LHFPL2: variants seen among roughly 807,000 people sequenced by gnomAD.
LHFPL2 encodes the protein LHFPL tetraspan subfamily member 2, also known as LHFPL tetraspan subfamily member 2 protein.
Under a neutral mutation model 17.5 loss-of-function variants are expected in LHFPL2, and 7 were observed. The ratio of observed to expected loss-of-function variants is 0.40; its 90% confidence interval spans 0.23 to 0.75. The LOEUF (loss-of-function observed/expected upper bound fraction) is 0.75, where lower values mean the gene tolerates loss of function less well. LHFPL2 is among the 30% of genes least tolerant of loss of function. The pLI, the probability that LHFPL2 is intolerant of heterozygous loss-of-function variation, is 0.37. For missense variants in LHFPL2, 241 were observed against 294.8 expected (o/e 0.82, Z 1.34); for synonymous variants, 134 against 116.2 (o/e 1.15, Z -0.99).
chr5:78,543,877 G>A (rs1405124216), intron 3 of LHFPL2, among the ~76,000 whole-genome samples: 2 of 152,248 alleles, frequency 1.3e-5, no homozygotes, highest in Admixed American at 6.5e-5. Context: ...GACTTGGGAC[G>A]GGAGGTGGAG....
intron 4 of LHFPL2, among the ~76,000 whole-genome samples, chr5:78,493,564 G>A (rs1445529777): frequency 6.6e-6 from 1 of 152,180 alleles, no homozygotes; most frequent in Admixed American, 6.5e-5. Context: ...CACACAGCAG[G>A]ACCTTAATAA....
At chr5:78,574,100 G>A (rs1041746538) in intron 2 of LHFPL2, among the ~76,000 whole-genome samples, 6 of 152,184 alleles carry the variant, frequency 3.9e-5, no homozygotes, top group Admixed American at 1.3e-4. Context: ...AGGAGAGTAC[G>A]CTCACGATGA....
chr5:78,616,196 C>A (rs1311522710), intron 2 of LHFPL2, among the ~76,000 whole-genome samples: 1 of 152,188 alleles, frequency 6.6e-6, no homozygotes, highest in African/African-American at 2.4e-5. Flanking sequence ...GGCGCAATCT[C>A]GGCTCACTGC....
intron 2 of LHFPL2, among the ~76,000 whole-genome samples, chr5:78,611,512 T>C (rs985732996): frequency 4.6e-5 from 7 of 152,128 alleles, no homozygotes; most frequent in African/African-American, 1.7e-4. Flanking sequence ...GCCAGAATCC[T>C]GGGGAAAAAG....
At chr5:78,625,256 C>G (rs899721644) in intron 2 of LHFPL2, 6 of 152,148 alleles carry the variant, frequency 3.9e-5, no homozygotes, top group African/African-American at 1.5e-4. Context: ...GAGGGTAAGT[C>G]TGATGAGCTC....
intron 3 of LHFPL2, among the ~76,000 whole-genome samples, chr5:78,530,172 A>T (rs1254768533): frequency 6.6e-6 from 1 of 152,190 alleles, no homozygotes; most frequent in East Asian, 1.9e-4. Context: ...ATTGCAAATA[A>T]TTTTTTTAAA....
intron 2 of LHFPL2, among the ~76,000 whole-genome samples, chr5:78,624,059 C>G (rs993182761): frequency 3.9e-5 from 6 of 152,234 alleles, no homozygotes; most frequent in African/African-American, 9.6e-5. Context: ...GCTCTAATAG[C>G]CTAGACAACA....
chr5:78,510,114 G>T lies in LHFPL2; in HGVS notation c.100C>A (p.Leu34Met). The T allele has an allele frequency of 6.2e-7, 1 of 1,613,334 alleles. No homozygotes were observed. Among genetic ancestry groups the T allele is most frequent in the South Asian group, 1.1e-5 (1 of 91,072 alleles). ...CCGCGGCTCCTCGCTTTCCCGATCA[G>T]CCAGTCTGCACTCATGAAGGCAATG... Reference protein sequence around the residue: ...ELIAFMSADWLIGKARSRGGV... With the variant: ...ELIAFMSADWMIGKARSRGGV... Residue 34 changes from leucine to methionine, a missense_variant, in exon 4 of 5, where the codon CTG becomes ATG. Physicochemically the swap from Leu to Met is conservative, Grantham distance 15. Coordinates refer to ENST00000380345, the MANE Select transcript of LHFPL2 (RefSeq NM_005779.3).
At chr5:78,496,871 C>T (rs1375947258) in intron 4 of LHFPL2, among the ~76,000 whole-genome samples, 1 of 152,200 alleles carries the variant, frequency 6.6e-6, no homozygotes, top group Non-Finnish European at 1.5e-5. Context: ...CCAGGGCTCA[C>T]TCCTTGGTCC....
intron 3 of LHFPL2, among the ~76,000 whole-genome samples, chr5:78,542,632 A>T (rs1161899666): frequency 1.3e-5 from 2 of 152,164 alleles, no homozygotes; most frequent in African/African-American, 2.4e-5. Context: ...TTCAAGAGAC[A>T]GCTCAAGGCC....
intron 2 of LHFPL2, among the ~76,000 whole-genome samples, chr5:78,573,604 A>C (rs1193161277): frequency 6.6e-6 from 1 of 152,212 alleles, no homozygotes; most frequent in Non-Finnish European, 1.5e-5. Flanking sequence ...TTCACTGGTT[A>C]GGCAGAGGAG....
At chr5:78,622,626 G>A (rs966732622) in intron 2 of LHFPL2, among the ~76,000 whole-genome samples, 4 of 152,114 alleles carry the variant, frequency 2.6e-5, no homozygotes, top group Non-Finnish European at 5.9e-5. Flanking sequence ...AGCTGGGAGG[G>A]GCTGTCTCCC....
intron 2 of LHFPL2, among the ~76,000 whole-genome samples, chr5:78,584,090 C>T (rs1338151562): frequency 6.6e-6 from 1 of 151,638 alleles, no homozygotes; most frequent in Non-Finnish European, 1.5e-5. Flanking sequence ...CCTGAGGCTT[C>T]TGCATTCTTC....
intron 3 of LHFPL2, among the ~76,000 whole-genome samples, chr5:78,543,287 G>A (rs1756168213): frequency 6.6e-6 from 1 of 152,176 alleles, no homozygotes; most frequent in Non-Finnish European, 1.5e-5. Context: ...AACAGAGACA[G>A]CCATTCTCTT....
In LHFPL2 at chr5:78,488,778, CGGGCCGTGG is replaced by C; in HGVS notation, c.*110_*118del. The C allele has an allele frequency of 2.5e-6, 3 of 1,183,684 alleles. No homozygotes were observed. The highest frequency in any genetic ancestry group is 3.6e-6 in the Non-Finnish European group (3 of 827,364). The allele number at this position is 1,183,684 out of a possible 1,614,324, so 73.3% of individuals were successfully genotyped here. On this transcript the variant is annotated 3_prime_UTR_variant, in exon 5 of 5. Coordinates refer to ENST00000380345, the MANE Select transcript of LHFPL2 (RefSeq NM_005779.3). ...CCTCTCATTGGTCCTGTTTAAGCCT[CGGGCCGTGG>C]AACGTGGCTTTGGTAGGTAAAGGTT...
chr5:78,584,750 C>T (rs1227862005), intron 2 of LHFPL2, among the ~76,000 whole-genome samples: 1 of 152,176 alleles, frequency 6.6e-6, no homozygotes, highest in Non-Finnish European at 1.5e-5. Flanking sequence ...TGTCTGTGCC[C>T]TGCCCCCAGA....
Position 78,568,718 on chromosome 5 carries a change from T to A in LHFPL2, c.-244-3847A>T, listed in dbSNP as rs369129338. The stretch of plus-strand genomic sequence containing the variant: ...TGGGTTAAGAAACAGTAAGTCAGGA[T>A]CACAGAGGCCACAGAGGGGGAAAGT... On this transcript the variant is annotated intron_variant, in intron 2 of 4. Transcript: ENST00000380345. Among the ~76,000 whole-genome samples the A allele has an allele frequency of 2.0e-3, 309 of 152,194 alleles. 1 individual carries two copies. The highest frequency in any genetic ancestry group is 6.9e-3 in the African/African-American group (288 of 41,518).
chr5:78,508,013 C>T (rs76896195), intron 4 of LHFPL2, among the ~76,000 whole-genome samples: 1 of 151,844 alleles, frequency 6.6e-6, no homozygotes, highest in Non-Finnish European at 1.5e-5. Flanking sequence ...GAGAATAAAG[C>T]AGGGATATTT....
intron 2 of LHFPL2, among the ~76,000 whole-genome samples, chr5:78,595,882 A>G (rs1249314527): frequency 6.6e-6 from 1 of 152,236 alleles, no homozygotes; most frequent in Non-Finnish European, 1.5e-5. Context: ...AACAAAAAAG[A>G]AACTCAAAAA....
Sources: gnomAD v4.1 joint callset for allele counts (sites outside exome capture counted in the v4.1 genomes callset) on GRCh38, gnomAD v4.1.1 for gene constraint, MANE v1.5 for transcripts, NCBI Gene and HGNC (gene_info 2026-07-23, HGNC 2026-07-21) for gene names.